The following SGCZ variants were observed in gnomAD, a reference collection of about 807,000 sequenced individuals.
The protein encoded by SGCZ is sarcoglycan zeta.
SGCZ carries 40 observed loss-of-function variants against 41.3 expected under a neutral mutation model. That is an observed-to-expected ratio of 0.97 (90% CI 0.75 to 1.26). The LOEUF is 1.26. Among genes scored for constraint, SGCZ ranks in the 50% most tolerant of loss-of-function variants. The pLI, the probability that SGCZ is intolerant of heterozygous loss-of-function variation, is 0.00. For synonymous variants in SGCZ, 206 were observed against 137.5 expected, an observed-to-expected ratio of 1.50 and a Z score of -3.49; for missense variants, 552 against 369.8, an observed-to-expected ratio of 1.49 and a Z score of -4.04.
chr8:14,703,286 T>G (rs985345314), intron 1 of SGCZ, among the ~76,000 whole-genome samples: 1 of 151,982 alleles, frequency 6.6e-6, no homozygotes, highest in Non-Finnish European at 1.5e-5. Context: ...TCTTCTTGTC[T>G]ACACTGACAT....
At chr8:14,765,151 G>A (rs531472482) in intron 1 of SGCZ, among the ~76,000 whole-genome samples, 9 of 152,086 alleles carry the variant, frequency 5.9e-5, no homozygotes, top group East Asian at 3.9e-4. Flanking sequence ...CCACAATCCC[G>A]GGAAAGCTGT....
At chr8:14,538,799 T>C (rs1285560205) in intron 2 of SGCZ, among the ~76,000 whole-genome samples, 1 of 151,870 alleles carries the variant, frequency 6.6e-6, no homozygotes, top group East Asian at 1.9e-4. Context: ...CTGGACTTTA[T>C]CTGTTAGGCA....
chr8:15,093,621 G>T (rs548727463), intron 1 of SGCZ, among the ~76,000 whole-genome samples: 1 of 152,210 alleles, frequency 6.6e-6, no homozygotes, highest in South Asian at 2.1e-4. Flanking sequence ...GGCTTAAATG[G>T]TAGGCATACC....
chr8:14,305,634 G>C (rs1801324731), intron 3 of SGCZ, among the ~76,000 whole-genome samples: 1 of 152,102 alleles, frequency 6.6e-6, no homozygotes. Context: ...ACAAAATAAA[G>C]AAAAGCTATA....
intron 2 of SGCZ, among the ~76,000 whole-genome samples, chr8:14,537,760 A>C (rs1803340696): frequency 6.6e-6 from 1 of 151,854 alleles, no homozygotes; most frequent in African/African-American, 2.4e-5. Context: ...TGTACAGGGA[A>C]ATTGCTGCCA....
chr8:15,112,813 G>A (rs780182805), intron 1 of SGCZ, among the ~76,000 whole-genome samples: 1 of 152,230 alleles, frequency 6.6e-6, no homozygotes, highest in Non-Finnish European at 1.5e-5. Context: ...AGTTGATGCT[G>A]TGTGGAGCAG....
intron 2 of SGCZ, among the ~76,000 whole-genome samples, chr8:14,478,058 T>C (rs1801411447): frequency 6.6e-6 from 1 of 152,240 alleles, no homozygotes; most frequent in South Asian, 2.1e-4. Context: ...CAAATTCTGG[T>C]GAGGATACTG....
intron 3 of SGCZ, among the ~76,000 whole-genome samples, chr8:14,265,009 C>G (rs1290805028): frequency 6.6e-6 from 1 of 151,996 alleles, no homozygotes; most frequent in Non-Finnish European, 1.5e-5. Flanking sequence ...AAAAACACGC[C>G]AGATGGCAAA....
At chr8:14,112,270 GT>G (rs369599896) in intron 5 of SGCZ, among the ~76,000 whole-genome samples, 36,092 of 125,124 alleles carry the variant, frequency 0.29, 5,369 homozygotes, top group East Asian at 0.53. Flanking sequence ...AATTTTTTGA[GT>G]TTTTTTTTTT....
At chr8:14,807,569 G>C (rs1014815061) in intron 1 of SGCZ, among the ~76,000 whole-genome samples, 1 of 151,376 alleles carries the variant, frequency 6.6e-6, no homozygotes, top group African/African-American at 2.4e-5. Context: ...CACTGCTCAA[G>C]GAAATAAAAG....
At chr8:14,376,266 G>A (rs947876685) in intron 2 of SGCZ, among the ~76,000 whole-genome samples, 10 of 152,026 alleles carry the variant, frequency 6.6e-5, no homozygotes, top group South Asian at 4.1e-4. Context: ...AGCCGAGATC[G>A]TGCCACTGCA....
intron 1 of SGCZ, among the ~76,000 whole-genome samples, chr8:15,021,066 T>C (rs1803230804): frequency 6.6e-6 from 1 of 152,178 alleles, no homozygotes; most frequent in South Asian, 2.1e-4. Flanking sequence ...TGGGATCAAG[T>C]GCTTTGGATA....
intron 1 of SGCZ, among the ~76,000 whole-genome samples, chr8:14,556,081 T>C (rs1804026586): frequency 6.6e-6 from 1 of 151,894 alleles, no homozygotes. Flanking sequence ...TACTGTCTTA[T>C]ACAACTTAGA....
At chr8:14,663,865 A>G (rs1807828562) in intron 1 of SGCZ, among the ~76,000 whole-genome samples, 2 of 152,158 alleles carry the variant, frequency 1.3e-5, no homozygotes, top group South Asian at 4.1e-4. Context: ...GACCCATTCT[A>G]TCCCCATCCC....
At chr8:14,360,626 GTTTA>G (rs148216893) in intron 2 of SGCZ, among the ~76,000 whole-genome samples, 12,601 of 151,736 alleles carry the variant, frequency 0.083, 1,579 homozygotes, top group African/African-American at 0.27. Context: ...GCGCCTGGCT[GTTTA>G]TTTATTTATT....
intron 1 of SGCZ, among the ~76,000 whole-genome samples, chr8:14,914,657 G>A (rs1474992015): frequency 6.6e-6 from 1 of 151,978 alleles, no homozygotes; most frequent in Non-Finnish European, 1.5e-5. Flanking sequence ...AATAACAAAG[G>A]CACTTAAAAT....
intron 1 of SGCZ, among the ~76,000 whole-genome samples, chr8:15,190,344 T>TCATTCATG (rs1466077416): frequency 6.6e-6 from 1 of 151,898 alleles, no homozygotes; most frequent in Non-Finnish European, 1.5e-5. Flanking sequence ...TTTCATTCAT[T>TCATTCATG]CATTCATTCA....
At chr8:14,678,811 A>T (rs1188592429) in intron 1 of SGCZ, among the ~76,000 whole-genome samples, 2 of 152,218 alleles carry the variant, frequency 1.3e-5, no homozygotes, top group Non-Finnish European at 2.9e-5. Context: ...ACAGATAAAT[A>T]CACTGGTACA....
intron 1 of SGCZ, among the ~76,000 whole-genome samples, chr8:14,735,978 A>G (rs9772005): frequency 0.026 from 3,978 of 152,198 alleles, 189 homozygotes; most frequent in African/African-American, 0.091. Context: ...GAAAATTTTG[A>G]TAAGTGTAAA....
Sources: allele counts gnomAD v4.1 joint callset (sites outside exome capture counted in the v4.1 genomes callset), GRCh38; gene constraint gnomAD v4.1.1; transcripts MANE v1.5; gene names NCBI Gene and HGNC (gene_info 2026-07-23, HGNC 2026-07-21).